Variants in MTRES1 observed in about 807,000 individuals in gnomAD.
The protein encoded by MTRES1 is uncharacterized protein C6orf203.
Under a neutral mutation model 17.4 loss-of-function variants are expected in MTRES1, and 11 were observed. The observed-to-expected ratio is 0.63, with a 90% CI of 0.40 to 1.05. MTRES1 has a LOEUF of 1.05. Ranked by LOEUF, MTRES1 falls within the 50% of genes least tolerant of loss-of-function variation. The pLI is 0.00. For missense variants in MTRES1, 268 were observed against 276.2 expected (o/e 0.97, Z 0.21); for synonymous variants, 94 against 99.6 (o/e 0.94, Z 0.34).
At position 107,040,246 on chromosome 6, in the gene MTRES1, A is replaced by C; in HGVS notation, c.470+16A>C. The C allele has an allele frequency of 6.4e-7, 1 of 1,564,002 alleles. No homozygotes were observed. The highest frequency in any genetic ancestry group is 2.3e-5 in the East Asian group (1 of 44,420). ...TTGGGAGAAAGTGAGTATGATACGCATTTCATTATAAACTCGCTCGTAGTC... is the reference window on the plus strand; with the variant it reads ...TTGGGAGAAAGTGAGTATGATACGCCTTTCATTATAAACTCGCTCGTAGTC... On this transcript the variant is annotated intron_variant, in intron 2 of 3. Coordinates refer to ENST00000311381, the MANE Select transcript of MTRES1 (RefSeq NM_016487.5).
In MTRES1 at chr6:107,040,072, G is replaced by C; in HGVS notation, c.312G>C (p.Glu104Asp). ...AGTCTCTGCAAAAAGTAGATGAAGA[G>C]GACTCTGATGAAGAAAGCCATCATG... ...TKKSLQKVDE[E>D]DSDEESHHDE... Residue 104 changes from glutamate to aspartate, a missense_variant, in exon 2 of 4, where the codon GAG (glutamate) becomes GAC (aspartate). Coordinates refer to ENST00000311381, the MANE Select transcript of MTRES1 (RefSeq NM_016487.5). 1 of 1,613,736 alleles carries C rather than the reference G, an allele frequency of 6.2e-7. No homozygotes were observed.
intron 1 of MTRES1, among the ~76,000 whole-genome samples, chr6:107,035,410 TGA>T (rs1433108788): frequency 6.6e-6 from 1 of 151,972 alleles, no homozygotes; most frequent in East Asian, 1.9e-4. Context: ...ATTACAGGCA[TGA>T]GCCACCTAAG....
chr6:107,035,929 G>GC, intron 1 of MTRES1, among the ~76,000 whole-genome samples: 1 of 152,114 alleles, frequency 6.6e-6, no homozygotes, highest in South Asian at 2.1e-4. Context: ...GATTACAGGT[G>GC]TGAACCACCA....
chr6:107,044,352 T>C lies in MTRES1; in HGVS notation c.543+20T>C, dbSNP rs181954288. ...AGAACGGTGAGATACTAACCTAAAA[T>C]GACAGCCAGATGTTTTCGTCTCTTA... On this transcript the variant is annotated intron_variant, in intron 3 of 3. Transcript: ENST00000311381. 6.0e-4 allele frequency: 962 copies of C among 1,597,030 alleles called. 4 individuals are homozygous for C. The highest frequency in any genetic ancestry group is 5.2e-4 in the Non-Finnish European group (600 of 1,164,810).
chr6:107,049,379 C>G (rs1774508489), intron 3 of MTRES1, among the ~76,000 whole-genome samples: 1 of 149,216 alleles, frequency 6.7e-6, no homozygotes, highest in Non-Finnish European at 1.5e-5. Flanking sequence ...GAAGCAGCAG[C>G]ATGTGGCTCC....
intron 1 of MTRES1, among the ~76,000 whole-genome samples, chr6:107,037,300 C>T (rs1169432675): frequency 1.3e-5 from 2 of 152,038 alleles, no homozygotes; most frequent in Non-Finnish European, 2.9e-5. Flanking sequence ...AAGCACCTGA[C>T]CTCAAGTGAT....
Position 107,044,349 on chromosome 6 carries a change from AAATG to A in MTRES1, c.543+19_543+22del. On this transcript the variant is annotated intron_variant, in intron 3 of 3. Coordinates refer to ENST00000311381, the MANE Select transcript of MTRES1 (RefSeq NM_016487.5). ...AGCAGAACGGTGAGATACTAACCTA[AAATG>A]ACAGCCAGATGTTTTCGTCTCTTAC... The A allele has an allele frequency of 6.3e-7, 1 of 1,599,956 alleles. No homozygotes were observed. The highest frequency in any genetic ancestry group is 8.6e-7 in the Non-Finnish European group (1 of 1,167,410).
At chr6:107,045,341 G>A (rs977199070) in intron 3 of MTRES1, among the ~76,000 whole-genome samples, 27 of 152,008 alleles carry the variant, frequency 1.8e-4, no homozygotes, top group Non-Finnish European at 2.4e-4. Context: ...AAAATTAGCC[G>A]GGTGTGGTGG....
At chr6:107,047,944 G>A (rs1237644416) in intron 3 of MTRES1, among the ~76,000 whole-genome samples, 1 of 152,076 alleles carries the variant, frequency 6.6e-6, no homozygotes, top group African/African-American at 2.4e-5. Context: ...TGTGTCTGTA[G>A]TCGCAGCCAC....
intron 2 of MTRES1, among the ~76,000 whole-genome samples, chr6:107,043,380 A>G (rs1582611496): frequency 6.6e-6 from 1 of 152,090 alleles, no homozygotes; most frequent in Admixed American, 6.6e-5. Context: ...AAACTTGTAT[A>G]CAGTTGATGC....
intron 3 of MTRES1, among the ~76,000 whole-genome samples, chr6:107,050,415 T>C (rs2114976766): frequency 6.6e-6 from 1 of 152,258 alleles, no homozygotes; most frequent in Non-Finnish European, 1.5e-5. Context: ...ATTCAAATAT[T>C]TCCTTAAGTC....
intron 2 of MTRES1, 33 bp downstream of exon 2, chr6:107,040,263 C>G (rs1554227551): frequency 6.5e-7 from 1 of 1,541,800 alleles, no homozygotes. Flanking sequence ...TATAAACTCG[C>G]TCGTAGTCAT....
At chr6:107,044,426 CTCT>C in intron 3 of MTRES1, 94 bp downstream of exon 3, 3 of 938,034 alleles carry the variant, frequency 3.2e-6, no homozygotes, top group Non-Finnish European at 3.4e-6. Context: ...CCTCTGGCTC[CTCT>C]TCTTTCTCTG....
intron 1 of MTRES1, among the ~76,000 whole-genome samples, chr6:107,035,126 GGGT>G (rs1554226811): frequency 1.3e-5 from 2 of 151,988 alleles, no homozygotes; most frequent in Non-Finnish European, 2.9e-5. Context: ...ATCCCTCAGA[GGGT>G]GCTTTTTTTT....
chr6:107,034,728 C>G (rs1554226768), intron 1 of MTRES1, among the ~76,000 whole-genome samples: 1 of 152,190 alleles, frequency 6.6e-6, no homozygotes, highest in Non-Finnish European at 1.5e-5. Flanking sequence ...TGGCTCATGC[C>G]TGTAATCCTA....
intron 1 of MTRES1, among the ~76,000 whole-genome samples, chr6:107,034,570 T>C (rs1027311948): frequency 2.6e-5 from 4 of 152,222 alleles, no homozygotes; most frequent in Non-Finnish European, 5.9e-5. Context: ...GCTTTGCAGC[T>C]CGGATGCCTA....
intron 3 of MTRES1, among the ~76,000 whole-genome samples, chr6:107,049,408 C>CTTTTTTTTTTTTTTTTTT (rs782057719): frequency 2.0e-5 from 2 of 99,364 alleles, no homozygotes; most frequent in African/African-American, 8.0e-5. Context: ...TATGGCCCTT[C>CTTTTTTTTTTTTTTTTTT]TTTTTTTTTT....
intron 2 of MTRES1, among the ~76,000 whole-genome samples, chr6:107,042,304 C>G (rs1582609619): frequency 7.1e-6 from 1 of 139,862 alleles, no homozygotes; most frequent in South Asian, 2.3e-4. Flanking sequence ...CGCACCACTG[C>G]ACTCCAGCCT....
intron 3 of MTRES1, among the ~76,000 whole-genome samples, chr6:107,046,652 C>T (rs1554228403): frequency 6.6e-6 from 1 of 152,118 alleles, no homozygotes; most frequent in African/African-American, 2.4e-5. Flanking sequence ...CTCTGTGGAG[C>T]CTGTGCCTGG....
Sources: allele counts gnomAD v4.1 joint callset (sites outside exome capture counted in the v4.1 genomes callset), GRCh38; gene constraint gnomAD v4.1.1; transcripts MANE v1.5; gene names NCBI Gene and HGNC (gene_info 2026-07-23, HGNC 2026-07-21).